ADAMTSL3: variants seen among roughly 807,000 people sequenced by gnomAD.
ADAMTSL3 encodes the protein ADAMTS like 3.
A neutral mutation model predicts 201.7 loss-of-function variants in ADAMTSL3; 128 were observed. The observed-to-expected ratio is 0.63, with a 90% CI of 0.55 to 0.73. The LOEUF is 0.73. Ranked by LOEUF, ADAMTSL3 falls within the 30% of genes least tolerant of loss-of-function variation. The probability of loss-of-function intolerance (pLI) is 0.00; values close to 1 mark genes in which losing one functional copy is unlikely to be tolerated. For synonymous variants in ADAMTSL3, 738 were observed against 748.4 expected (o/e 0.99, Z 0.23); for missense variants, 1,990 against 2,119.6 (o/e 0.94, Z 1.20).
At chr15:83,821,961 C>G (rs1017961509) in intron 6 of ADAMTSL3, among the ~76,000 whole-genome samples, 3 of 147,646 alleles carry the variant, frequency 2.0e-5, no homozygotes, top group Non-Finnish European at 4.5e-5. Context: ...CAGAGGCGCC[C>G]CTCACCTCCC....
At chr15:83,669,466 T>G (rs2061295687) in intron 2 of ADAMTSL3, among the ~76,000 whole-genome samples, 4 of 104,616 alleles carry the variant, frequency 3.8e-5, no homozygotes, top group African/African-American at 1.2e-4. Flanking sequence ...TTTTTTTTTT[T>G]TTTTTTTTTT....
intron 23 of ADAMTSL3, among the ~76,000 whole-genome samples, chr15:84,006,925 T>G (rs2067905578): frequency 6.6e-6 from 1 of 152,170 alleles, no homozygotes; most frequent in Non-Finnish European, 1.5e-5. Flanking sequence ...TGGGACATGT[T>G]GTGCCAATGG....
chr15:83,963,364 C>G (rs962680879), intron 19 of ADAMTSL3, among the ~76,000 whole-genome samples: 1 of 152,200 alleles, frequency 6.6e-6, no homozygotes, highest in Non-Finnish European at 1.5e-5. Flanking sequence ...AGGCAGCTTA[C>G]CCCTCACAGT....
At chr15:83,777,723 A>G (rs8027992) in intron 4 of ADAMTSL3, among the ~76,000 whole-genome samples, 6,285 of 152,296 alleles carry the variant, frequency 0.041, 399 homozygotes, top group African/African-American at 0.14. Flanking sequence ...CCTTCTTTCC[A>G]ACAGATGACC....
At chr15:83,957,709 G>C (rs2066887706) in intron 19 of ADAMTSL3, among the ~76,000 whole-genome samples, 1 of 152,156 alleles carries the variant, frequency 6.6e-6, no homozygotes, top group Non-Finnish European at 1.5e-5. Flanking sequence ...ACTTGAAAGG[G>C]AGAGAAAAAT....
intron 2 of ADAMTSL3, among the ~76,000 whole-genome samples, chr15:83,701,240 C>G (rs1431117894): frequency 1.3e-5 from 2 of 152,148 alleles, no homozygotes; most frequent in South Asian, 4.1e-4. Flanking sequence ...TCTGCAGATT[C>G]TATCTCCTTT....
intron 20 of ADAMTSL3, among the ~76,000 whole-genome samples, chr15:83,973,784 G>T (rs1432898086): frequency 6.6e-6 from 1 of 152,092 alleles, no homozygotes; most frequent in Non-Finnish European, 1.5e-5. Flanking sequence ...AGAAATGTAT[G>T]ATCTACTCCA....
At chr15:83,691,017 T>TTTCCTTTTATCA (rs1440109252) in intron 2 of ADAMTSL3, among the ~76,000 whole-genome samples, 1 of 152,178 alleles carries the variant, frequency 6.6e-6, no homozygotes, top group Non-Finnish European at 1.5e-5. Context: ...GTGAGGTTAT[T>TTTCCTTTTATCA]CTACATTTTC....
chr15:83,731,559 GTA>G (rs1420267139), intron 3 of ADAMTSL3, among the ~76,000 whole-genome samples: 1 of 151,972 alleles, frequency 6.6e-6, no homozygotes, highest in Non-Finnish European at 1.5e-5. Flanking sequence ...TTCTAGGTAT[GTA>G]TCCAAAGGAA....
At chr15:83,942,853 T>C in intron 18 of ADAMTSL3, 50 bp from the exon 19 acceptor site, 1 of 1,606,066 alleles carries the variant, frequency 6.2e-7, no homozygotes, top group East Asian at 2.2e-5. Context: ...TGCACTGCAC[T>C]AACATAGAGT....
intron 20 of ADAMTSL3, among the ~76,000 whole-genome samples, chr15:83,973,004 G>C (rs1038751158): frequency 6.6e-6 from 1 of 152,078 alleles, no homozygotes; most frequent in Admixed American, 6.5e-5. Flanking sequence ...AAGGCACCAT[G>C]TGCAGACCCT....
At chr15:83,697,689 C>T (rs1396857689) in intron 2 of ADAMTSL3, among the ~76,000 whole-genome samples, 2 of 152,094 alleles carry the variant, frequency 1.3e-5, no homozygotes, top group Non-Finnish European at 2.9e-5. Flanking sequence ...TGGGGTGTGC[C>T]ACCTCCAGGC....
At chr15:83,973,021 C>T (rs1289646922) in intron 20 of ADAMTSL3, among the ~76,000 whole-genome samples, 1 of 152,146 alleles carries the variant, frequency 6.6e-6, no homozygotes, top group Admixed American at 6.5e-5. Context: ...CCCTACAAGA[C>T]ACTCTTCACC....
intron 19 of ADAMTSL3, among the ~76,000 whole-genome samples, chr15:83,957,500 A>C (rs965409588): frequency 6.6e-6 from 1 of 152,316 alleles, no homozygotes; most frequent in East Asian, 1.9e-4. Flanking sequence ...AACAAGAGAG[A>C]ATGAAGAAGC....
intron 15 of ADAMTSL3, among the ~76,000 whole-genome samples, chr15:83,910,378 T>G (rs1034428766): frequency 3.3e-5 from 5 of 150,726 alleles, no homozygotes; most frequent in African/African-American, 1.2e-4. Flanking sequence ...GTATGAACAC[T>G]ATAATATCTT....
In ADAMTSL3 at chr15:83,858,763, CAGG is replaced by C. The variant is rs1567194325; in HGVS notation, c.728_730del (p.Arg243_Glu244delinsLys). ...ATTGCAGTTGCGTTCTGTTCTTTCC[CAGG>C]AGAAGAAAATGTAATTGCTGTTCCT... On this transcript the variant is annotated splice_acceptor_variant and coding_sequence_variant, in exon 8 of 30. Coordinates refer to ENST00000286744, the MANE Select transcript of ADAMTSL3 (RefSeq NM_207517.3). LOFTEE classifies it high-confidence loss of function. The C allele has an allele frequency of 3.7e-6, 6 of 1,612,614 alleles. No homozygotes were observed. Among genetic ancestry groups the C allele is most frequent in the South Asian group, 1.1e-5 (1 of 90,646 alleles).
intron 26 of ADAMTSL3, among the ~76,000 whole-genome samples, chr15:84,023,658 G>T (rs188055866): frequency 1.4e-4 from 21 of 152,240 alleles, no homozygotes; most frequent in Non-Finnish European, 2.8e-4. Flanking sequence ...TTCAAAACGC[G>T]GAGAGAATCC....
chr15:83,940,565 A>G (rs1326285696), intron 17 of ADAMTSL3, among the ~76,000 whole-genome samples: 2 of 152,136 alleles, frequency 1.3e-5, no homozygotes, highest in Admixed American at 1.3e-4. Context: ...TTACCTCTCA[A>G]AGGTCCCATC....
intron 23 of ADAMTSL3, among the ~76,000 whole-genome samples, chr15:84,003,143 G>A (rs1244328539): frequency 6.6e-6 from 1 of 151,400 alleles, no homozygotes; most frequent in African/African-American, 2.4e-5. Flanking sequence ...AGAGACAGAG[G>A]TCTCGCTGTG....
Sources: allele counts gnomAD v4.1 joint callset (sites outside exome capture counted in the v4.1 genomes callset), GRCh38; gene constraint gnomAD v4.1.1; transcripts MANE v1.5; gene names NCBI Gene and HGNC (gene_info 2026-07-23, HGNC 2026-07-21).